DOCK4: variants seen among roughly 807,000 people sequenced by gnomAD.
DOCK4 encodes dedicator of cytokinesis 4, also known as dedicator of cytokinesis protein 4.
A neutral mutation model predicts 268.1 loss-of-function variants in DOCK4; 97 were observed. The ratio of observed to expected loss-of-function variants is 0.36; its 90% CI spans 0.31 to 0.43. DOCK4 has a LOEUF of 0.43. Ranked by LOEUF, DOCK4 falls within the 20% of genes least tolerant of loss-of-function variation. The probability of loss-of-function intolerance (pLI) is 1.00; values close to 1 mark genes in which losing one functional copy is unlikely to be tolerated. For missense variants in DOCK4, 2,145 were observed against 2,455.7 expected, an observed-to-expected ratio of 0.87 and a Z score of 2.67; for synonymous variants, 954 against 887.2, an observed-to-expected ratio of 1.08 and a Z score of -1.34.
At chr7:111,874,413 C>T (rs1317758292) in intron 17 of DOCK4, among the ~76,000 whole-genome samples, 1 of 152,066 alleles carries the variant, frequency 6.6e-6, no homozygotes, top group East Asian at 1.9e-4. Context: ...TACAGGGGTC[C>T]AGAAAATGAG....
chr7:111,739,407 G>A lies in DOCK4; in HGVS notation c.5111C>T (p.Ser1704Leu), dbSNP rs1161156092. The change falls in exon 48 of 53, where the codon TCG becomes TTG. Residue 1704 changes from serine (S) to leucine (L), a missense_variant. Coordinates refer to ENST00000428084, the MANE Select transcript of DOCK4 (RefSeq NM_001363540.2). ...ACTCTGGCACTGACCTCTGGCACTC[G>A]ATGGAGCAGAACTTGTCACATTAGG... The part of the protein sequence containing the change: ...ASPNVTSSAP[S>L]SARASPLLSD... 4.4e-6 allele frequency: 7 copies of A among 1,587,190 alleles called. No homozygotes were observed. The highest frequency in any genetic ancestry group is 1.8e-5 in the Admixed American group (1 of 55,240).
intron 12 of DOCK4, among the ~76,000 whole-genome samples, chr7:111,916,946 T>G (rs1792637536): frequency 6.6e-6 from 1 of 151,252 alleles, no homozygotes; most frequent in Non-Finnish European, 1.5e-5. Context: ...TTGTAGTCTT[T>G]TATCCCTCAC....
chr7:112,106,534 G>A (rs1410937816), intron 1 of DOCK4, among the ~76,000 whole-genome samples: 1 of 152,210 alleles, frequency 6.6e-6, no homozygotes. Flanking sequence ...CACGGTGGAT[G>A]GCAGAAATGC....
intron 5 of DOCK4, 85 bp downstream of exon 5, chr7:111,994,050 A>G: frequency 1.3e-6 from 1 of 796,180 alleles, no homozygotes; most frequent in Non-Finnish European, 2.1e-6. Context: ...AGAAGGTGCT[A>G]TATTAGTTAA....
At chr7:111,761,153 C>T (rs1278587310) in intron 39 of DOCK4, among the ~76,000 whole-genome samples, 1 of 151,800 alleles carries the variant, frequency 6.6e-6, no homozygotes, top group Non-Finnish European at 1.5e-5. Context: ...CTCCGTCTCC[C>T]ACTTCAAGCA....
At chr7:111,948,923 G>C (rs1469031940) in intron 8 of DOCK4, among the ~76,000 whole-genome samples, 1 of 148,568 alleles carries the variant, frequency 6.7e-6, no homozygotes, top group East Asian at 2.0e-4. Context: ...AAAAAAAAAA[G>C]ACTTGAGAAA....
At chr7:112,016,527 A>G (rs894562953) in intron 1 of DOCK4, among the ~76,000 whole-genome samples, 20 of 152,230 alleles carry the variant, frequency 1.3e-4, no homozygotes, top group African/African-American at 4.3e-4. Context: ...GACTATGCAA[A>G]TATACTGTTT....
At chr7:111,810,435 G>A (rs995182271) in intron 28 of DOCK4, among the ~76,000 whole-genome samples, 1 of 151,358 alleles carries the variant, frequency 6.6e-6, no homozygotes, top group Admixed American at 6.6e-5. Flanking sequence ...CTGGGCGACA[G>A]AGGGAGATTC....
chr7:112,121,285 A>G (rs1040105470), intron 1 of DOCK4, among the ~76,000 whole-genome samples: 3 of 152,010 alleles, frequency 2.0e-5, no homozygotes, highest in African/African-American at 7.2e-5. Flanking sequence ...TTGGATAAAG[A>G]CTCTGATCTC....
intron 23 of DOCK4, among the ~76,000 whole-genome samples, chr7:111,855,515 G>A (rs147922511): frequency 6.6e-6 from 1 of 152,274 alleles, no homozygotes; most frequent in Non-Finnish European, 1.5e-5. Flanking sequence ...TGAGTTTAAG[G>A]AGCCTGTGAG....
In DOCK4 at chr7:111,811,789, G is replaced by A. The variant is rs1345352657; in HGVS notation, c.3006+85C>T. 2.0e-5 allele frequency: 16 copies of A among 809,252 alleles called. No homozygotes were observed. In the East Asian group the frequency reaches 2.2e-4, roughly 11 times the overall value. The allele number at this position is 809,252 out of a possible 1,614,324, so 50.1% of individuals were successfully genotyped here. On this transcript the variant is annotated intron_variant, in intron 28 of 52. Transcript: ENST00000428084. ...TATTCCTCATAGTTAAAACTAATAC[G>A]GCCCAAGAAAATGTTAGGTAATTTC... is the stretch of plus-strand genomic sequence containing the variant.
At chr7:112,121,310 C>T (rs995438768) in intron 1 of DOCK4, among the ~76,000 whole-genome samples, 5 of 152,134 alleles carry the variant, frequency 3.3e-5, no homozygotes, top group African/African-American at 1.2e-4. Context: ...AAGTCTTCTT[C>T]CTTCTAGGGA....
In DOCK4 at chr7:111,728,625, C is replaced by G. The variant is rs769179923; in HGVS notation, c.5577G>C (p.Gly1859=). Residue 1859 remains glycine, a synonymous_variant, in exon 53 of 53, where the codon GGG becomes GGC. Transcript: ENST00000428084. ...TGCTGCACCGGCTGAGAGAAGAAATCCCACTGCTGTAGCTGCCCGACAAGA... is the reference window on the plus strand; with the variant it reads ...TGCTGCACCGGCTGAGAGAAGAAATGCCACTGCTGTAGCTGCCCGACAAGA... ...SPVLSGSYSS[G]ISSLSRCSTS... 2.5e-6 allele frequency: 4 copies of G among 1,614,014 alleles called. No individual in the cohort carries two copies. The highest frequency in any genetic ancestry group is 4.5e-5 in the East Asian group (2 of 44,862).
intron 1 of DOCK4, among the ~76,000 whole-genome samples, chr7:112,069,560 C>T (rs536766852): frequency 1.3e-5 from 2 of 152,296 alleles, no homozygotes; most frequent in East Asian, 3.9e-4. Context: ...CTCACAGGGT[C>T]GTTCTGAGGA....
At chr7:112,103,559 G>A (rs1810873772) in intron 1 of DOCK4, among the ~76,000 whole-genome samples, 1 of 152,154 alleles carries the variant, frequency 6.6e-6, no homozygotes, top group Admixed American at 6.5e-5. Context: ...AGCATAGATT[G>A]GTGAAAGATG....
chr7:112,023,121 G>A (rs892953209), intron 1 of DOCK4, among the ~76,000 whole-genome samples: 8 of 152,092 alleles, frequency 5.3e-5, no homozygotes, highest in South Asian at 2.1e-4. Flanking sequence ...AGACAATGGC[G>A]TTTCACCATG....
At chr7:111,754,148 A>G (rs940024214) in intron 42 of DOCK4, among the ~76,000 whole-genome samples, 6 of 151,732 alleles carry the variant, frequency 4.0e-5, no homozygotes, top group African/African-American at 1.5e-4. Context: ...GCATAATAAG[A>G]CTTTTTGAGC....
chr7:112,076,342 T>A (rs1808066317), intron 1 of DOCK4, among the ~76,000 whole-genome samples: 1 of 152,064 alleles, frequency 6.6e-6, no homozygotes, highest in Admixed American at 6.6e-5. Context: ...TAATTTAGAA[T>A]CTGGGGAATC....
intron 26 of DOCK4, among the ~76,000 whole-genome samples, chr7:111,824,611 T>C (rs889142191): frequency 6.6e-5 from 10 of 152,096 alleles, no homozygotes; most frequent in African/African-American, 2.4e-4. Flanking sequence ...GACTGTGCTG[T>C]CAGTTGAAAG....
Sources: allele counts gnomAD v4.1 joint callset (sites outside exome capture counted in the v4.1 genomes callset), GRCh38; gene constraint gnomAD v4.1.1; transcripts MANE v1.5; gene names NCBI Gene and HGNC (gene_info 2026-07-23, HGNC 2026-07-21).